LRRC4C: variants seen among roughly 807,000 people sequenced by gnomAD.
LRRC4C encodes the protein leucine rich repeat containing 4C, also known as leucine-rich repeat-containing protein 4C.
Under a neutral mutation model 33.6 loss-of-function variants are expected in LRRC4C, and 5 were observed. The observed-to-expected ratio is 0.15, with a 90% CI of 0.08 to 0.31. The LOEUF is 0.31. Among genes scored for constraint, LRRC4C ranks in the 10% least tolerant of loss-of-function variants. LRRC4C has a pLI of 1.00. For synonymous variants in LRRC4C, 329 were observed against 302.0 expected (o/e 1.09, Z -0.93); for missense variants, 560 against 796.7 (o/e 0.70, Z 3.58).
At chr11:41,183,639 CA>C (rs1240384709) in intron 1 of LRRC4C, among the ~76,000 whole-genome samples, 1 of 152,158 alleles carries the variant, frequency 6.6e-6, no homozygotes, top group Non-Finnish European at 1.5e-5. Flanking sequence ...GTTGTGTCTG[CA>C]GCTTTTCCAG....
chr11:41,208,444 T>C (rs893391122), intron 1 of LRRC4C, among the ~76,000 whole-genome samples: 4 of 152,202 alleles, frequency 2.6e-5, no homozygotes, highest in African/African-American at 9.6e-5. Context: ...GAAAGTGTGC[T>C]CTGGATGAAA....
chr11:40,723,884 C>T (rs772830171), intron 2 of LRRC4C, among the ~76,000 whole-genome samples: 5 of 151,928 alleles, frequency 3.3e-5, no homozygotes, highest in Non-Finnish European at 7.4e-5. Context: ...GTAATGACAC[C>T]CATAGGCTCA....
At chr11:41,339,278 C>T (rs144772976) in intron 1 of LRRC4C, among the ~76,000 whole-genome samples, 2 of 152,198 alleles carry the variant, frequency 1.3e-5, no homozygotes, top group African/African-American at 4.8e-5. Context: ...AATAAATAGC[C>T]CTGCCCTTGA....
intron 3 of LRRC4C, among the ~76,000 whole-genome samples, chr11:40,323,213 A>G (rs369763035): frequency 2.0e-5 from 3 of 152,252 alleles, no homozygotes; most frequent in South Asian, 2.1e-4. Context: ...ATGACAAAAA[A>G]GGTGAAAGTT....
chr11:40,573,247 C>T (rs1958053942), intron 3 of LRRC4C, among the ~76,000 whole-genome samples: 1 of 152,092 alleles, frequency 6.6e-6, no homozygotes, highest in Admixed American at 6.6e-5. Flanking sequence ...GTTCTATATA[C>T]CTACAAACCT....
In LRRC4C at chr11:40,174,063, G is replaced by A. The variant is rs903015640; in HGVS notation, c.-95-33210C>T. Among the ~76,000 whole-genome samples, 39 of 152,030 alleles carry A rather than the reference G, an allele frequency of 2.6e-4. 1 individual carries two copies. The highest frequency in any genetic ancestry group is 2.6e-3 in the Admixed American group (39 of 15,256). On this transcript the variant is annotated intron_variant, in intron 5 of 6. Coordinates refer to ENST00000528697, the MANE Select transcript of LRRC4C (RefSeq NM_001258419.2). ...TTTTCAAAAGCCCCACCTAATTGAG[G>A]AACAACGGTATACACACTAAAATGT...
intron 4 of LRRC4C, among the ~76,000 whole-genome samples, chr11:40,312,688 T>C (rs1367748226): frequency 6.6e-6 from 1 of 152,196 alleles, no homozygotes; most frequent in East Asian, 1.9e-4. Flanking sequence ...TAGTCTTATT[T>C]GCAAAAGGAT....
chr11:40,363,242 C>T lies in LRRC4C; in HGVS notation c.-269-43521G>A, dbSNP rs1217717998. 2.6e-5 allele frequency among the ~76,000 whole-genome samples: 4 copies of T among 152,090 alleles called. No homozygotes were observed. In the East Asian group the frequency reaches 7.7e-4, roughly 29 times the overall value. On this transcript the variant is annotated intron_variant, in intron 3 of 6. Coordinates refer to ENST00000528697, the MANE Select transcript of LRRC4C (RefSeq NM_001258419.2). ...TATGCAGCCATAAAAAAGAATGAGA[C>T]CATGTCCTTTGCAGGGACACGAATG...
At chr11:40,722,311 C>G (rs181393490) in intron 2 of LRRC4C, among the ~76,000 whole-genome samples, 3 of 152,144 alleles carry the variant, frequency 2.0e-5, no homozygotes, top group Admixed American at 6.5e-5. Context: ...AGAGAGAGCA[C>G]GGCTGCACAT....
chr11:40,449,689 G>A (rs113475219), intron 3 of LRRC4C, among the ~76,000 whole-genome samples: 1 of 152,104 alleles, frequency 6.6e-6, no homozygotes, highest in Non-Finnish European at 1.5e-5. Flanking sequence ...ATGAATGGGG[G>A]CTAATACTTT....
At chr11:40,654,579 G>A (rs537336624) in intron 2 of LRRC4C, among the ~76,000 whole-genome samples, 11 of 152,266 alleles carry the variant, frequency 7.2e-5, no homozygotes, top group African/African-American at 2.6e-4. Context: ...TTGTATCTAG[G>A]AAGTGATTAA....
At chr11:40,234,825 T>A (rs566099217) in intron 5 of LRRC4C, among the ~76,000 whole-genome samples, 2 of 152,154 alleles carry the variant, frequency 1.3e-5, no homozygotes, top group African/African-American at 4.8e-5. Context: ...AGAGGGTGTT[T>A]AGCACATCCC....
At chr11:41,241,212 A>C (rs951241548) in intron 1 of LRRC4C, among the ~76,000 whole-genome samples, 8 of 152,164 alleles carry the variant, frequency 5.3e-5, no homozygotes, top group African/African-American at 1.9e-4. Flanking sequence ...ATGCTTATTT[A>C]ATTATAGTAG....
chr11:40,308,284 G>C (rs1045906275), intron 4 of LRRC4C, among the ~76,000 whole-genome samples: 1 of 152,150 alleles, frequency 6.6e-6, no homozygotes, highest in African/African-American at 2.4e-5. Context: ...ATGCATGGCC[G>C]CTGATGCAGT....
chr11:40,514,532 A>G (rs1238394384), intron 3 of LRRC4C, among the ~76,000 whole-genome samples: 1 of 152,208 alleles, frequency 6.6e-6, no homozygotes, highest in Non-Finnish European at 1.5e-5. Context: ...AGTAACGGGC[A>G]TGTAGTCAGT....
intron 3 of LRRC4C, among the ~76,000 whole-genome samples, chr11:40,433,336 C>T (rs780003156): frequency 1.6e-4 from 23 of 144,728 alleles, no homozygotes; most frequent in Non-Finnish European, 3.1e-4. Flanking sequence ...GGAAACATTG[C>T]TTGGATATCA....
intron 1 of LRRC4C, among the ~76,000 whole-genome samples, chr11:41,224,143 A>C (rs991363436): frequency 6.6e-6 from 1 of 152,190 alleles, no homozygotes; most frequent in African/African-American, 2.4e-5. Context: ...AAGATAAAAC[A>C]CTTAAGTGGA....
intron 3 of LRRC4C, among the ~76,000 whole-genome samples, chr11:40,560,319 A>T (rs968836244): frequency 6.6e-6 from 1 of 152,168 alleles, no homozygotes; most frequent in Admixed American, 6.5e-5. Flanking sequence ...CCCACTCGTC[A>T]CAACCAAATG....
intron 2 of LRRC4C, among the ~76,000 whole-genome samples, chr11:40,736,899 T>TTCTGGATATTAGCATGTTGTAG (rs1564994395): frequency 2.0e-5 from 3 of 149,410 alleles, no homozygotes; most frequent in African/African-American, 7.4e-5. Flanking sequence ...GTTCTTTGTA[T>TTCTGGATATTAGCATGTTGTAG]ATTCTGGATA....
Sources: gnomAD v4.1 joint callset for allele counts (sites outside exome capture counted in the v4.1 genomes callset) on GRCh38, gnomAD v4.1.1 for gene constraint, MANE v1.5 for transcripts, NCBI Gene and HGNC (gene_info 2026-07-23, HGNC 2026-07-21) for gene names.